Variants in SLC25A13 observed in about 807,000 individuals in gnomAD.
SLC25A13 encodes solute carrier family 25 member 13.
SLC25A13 carries 70 observed loss-of-function variants against 85.5 expected under a neutral mutation model. That is an observed-to-expected ratio of 0.82 (90% CI 0.68 to 1.00). The LOEUF (loss-of-function observed/expected upper bound fraction) is 1.00, where lower values mean the gene tolerates loss of function less well. Ranked by LOEUF, SLC25A13 falls within the 50% of genes least tolerant of loss-of-function variation. SLC25A13 has a pLI of 0.00. For missense variants in SLC25A13, 765 were observed against 819.8 expected (o/e 0.93, Z 0.82); for synonymous variants, 259 against 288.7 (o/e 0.90, Z 1.04).
intron 3 of SLC25A13, among the ~76,000 whole-genome samples, chr7:96,260,573 C>G (rs1298770676): frequency 6.6e-6 from 1 of 152,118 alleles, no homozygotes; most frequent in African/African-American, 2.4e-5. Context: ...ATCTCACAGC[C>G]TGCCTCTCTA....
intron 13 of SLC25A13, among the ~76,000 whole-genome samples, chr7:96,168,096 CTG>C (rs1491228537): frequency 1.1e-4 from 2 of 18,968 alleles, no homozygotes; most frequent in South Asian, 3.1e-3. Flanking sequence ...GAAACTCTGT[CTG>C]AAAAAAAAAA....
chr7:96,314,566 CAG>C (rs1800063887), intron 1 of SLC25A13, among the ~76,000 whole-genome samples: 1 of 152,110 alleles, frequency 6.6e-6, no homozygotes, highest in South Asian at 2.1e-4. Flanking sequence ...GGCAAACCCA[CAG>C]AGTCTTATGA....
intron 5 of SLC25A13, among the ~76,000 whole-genome samples, chr7:96,204,643 A>C (rs746069200): frequency 3.9e-5 from 6 of 152,228 alleles, no homozygotes; most frequent in Admixed American, 1.3e-4. Context: ...GGTTTTTGCT[A>C]CAAAACAACA....
intron 2 of SLC25A13, among the ~76,000 whole-genome samples, chr7:96,281,953 G>A (rs1798696182): frequency 6.6e-6 from 1 of 152,114 alleles, no homozygotes; most frequent in Non-Finnish European, 1.5e-5. Context: ...TGAGGGTAGT[G>A]ATAAATGCAG....
At chr7:96,270,478 C>T (rs1350621827) in intron 3 of SLC25A13, among the ~76,000 whole-genome samples, 1 of 151,684 alleles carries the variant, frequency 6.6e-6, no homozygotes, top group Non-Finnish European at 1.5e-5. Context: ...ATCACTTGAA[C>T]TAGGAGGCAG....
chr7:96,248,005 C>CGATGGAGA (rs1797271293), intron 3 of SLC25A13, among the ~76,000 whole-genome samples: 2 of 151,578 alleles, frequency 1.3e-5, no homozygotes, highest in African/African-American at 4.8e-5. Context: ...AAATACTCTC[C>CGATGGAGA]ATCAGCCTAC....
intron 11 of SLC25A13, among the ~76,000 whole-genome samples, chr7:96,173,602 A>G (rs778211827): frequency 6.6e-6 from 1 of 151,666 alleles, no homozygotes; most frequent in Non-Finnish European, 1.5e-5. Flanking sequence ...TAACAAAGAG[A>G]TAAGCCCTCA....
intron 2 of SLC25A13, among the ~76,000 whole-genome samples, chr7:96,285,707 C>G (rs1047345606): frequency 2.6e-5 from 4 of 152,144 alleles, no homozygotes; most frequent in African/African-American, 4.8e-5. Flanking sequence ...GCATGCCTAT[C>G]CATCTGGTCT....
At chr7:96,221,473 A>G (rs189747983) in intron 4 of SLC25A13, among the ~76,000 whole-genome samples, 19 of 152,306 alleles carry the variant, frequency 1.2e-4, no homozygotes, top group Admixed American at 1.2e-3. Flanking sequence ...AATATTAATG[A>G]AGAACTTTCC....
rs113813533 is a variant in SLC25A13 at position 96,225,066 on chromosome 7, C to G, written c.328+9736G>C. On this transcript the variant is annotated intron_variant, in intron 4 of 17. Coordinates refer to ENST00000265631, the MANE Select transcript of SLC25A13 (RefSeq NM_014251.3). ...AATAAATTATACCAAAAATACTTAG[C>G]CCAGAGGTTGGCATGTATTTTAAAA... 9.5e-3 allele frequency among the ~76,000 whole-genome samples: 1,447 copies of G among 152,282 alleles called. 9 individuals are homozygous for G. The highest frequency in any genetic ancestry group is 0.017 in the South Asian group (80 of 4,824).
intron 4 of SLC25A13, among the ~76,000 whole-genome samples, chr7:96,209,294 A>G (rs1174663768): frequency 6.6e-6 from 1 of 151,046 alleles, no homozygotes; most frequent in African/African-American, 2.4e-5. Flanking sequence ...GTTTCAAGAA[A>G]TAATGATTAT....
At chr7:96,225,713 A>G (rs1012982818) in intron 4 of SLC25A13, among the ~76,000 whole-genome samples, 11 of 152,128 alleles carry the variant, frequency 7.2e-5, no homozygotes, top group Non-Finnish European at 1.6e-4. Flanking sequence ...TACAAAGCCC[A>G]TATCATGCCA....
In SLC25A13 at chr7:96,189,630, T is replaced by C. The variant is rs1257616897; in HGVS notation, c.799A>G (p.Met267Val). 2 of 1,612,542 alleles carry C rather than the reference T, an allele frequency of 1.2e-6. No individual in the cohort carries two copies. The highest frequency in any genetic ancestry group is 2.7e-5 in the African/African-American group (2 of 74,510). Residue 267 changes from methionine (M) to valine (V), a missense_variant, in exon 8 of 18, where the codon ATG becomes GTG. Physicochemically the swap from Met to Val is conservative, Grantham distance 21. Coordinates refer to ENST00000265631, the MANE Select transcript of SLC25A13 (RefSeq NM_014251.3). ...AACTGAAACAAGATGTCAACTTCCA[T>C]GGGTGTAACCTGACCAAATTTCTGA... ...AAQKFGQVTP[M>V]EVDILFQLAD...
chr7:96,126,143 C>A (rs1360054653), intron 15 of SLC25A13, among the ~76,000 whole-genome samples: 2 of 152,106 alleles, frequency 1.3e-5, no homozygotes, highest in Non-Finnish European at 2.9e-5. Flanking sequence ...ATGCTTCACC[C>A]ACAGGTCTCT....
At chr7:96,213,485 A>G (rs537429054) in intron 4 of SLC25A13, among the ~76,000 whole-genome samples, 1 of 152,316 alleles carries the variant, frequency 6.6e-6, no homozygotes, top group East Asian at 1.9e-4. Context: ...TGGCTCCCAC[A>G]TGGGCAATTC....
intron 4 of SLC25A13, among the ~76,000 whole-genome samples, chr7:96,211,267 T>C (rs1365626254): frequency 2.6e-5 from 4 of 152,204 alleles, no homozygotes; most frequent in Admixed American, 6.5e-5. Flanking sequence ...CACCATAGAC[T>C]GTGTGTGTGC....
chr7:96,247,301 A>G (rs904221589), intron 3 of SLC25A13, among the ~76,000 whole-genome samples: 7 of 152,202 alleles, frequency 4.6e-5, no homozygotes, highest in African/African-American at 1.7e-4. Flanking sequence ...CAAGTGTTCC[A>G]TCATTTATCT....
At chr7:96,289,372 C>G (rs993321039) in intron 2 of SLC25A13, among the ~76,000 whole-genome samples, 1 of 152,196 alleles carries the variant, frequency 6.6e-6, no homozygotes, top group Non-Finnish European at 1.5e-5. Flanking sequence ...CAAAGGAACG[C>G]AGCTCCTCAC....
intron 13 of SLC25A13, among the ~76,000 whole-genome samples, chr7:96,152,401 G>A (rs545245381): frequency 4.4e-4 from 67 of 152,284 alleles, no homozygotes; most frequent in Admixed American, 3.0e-3. Context: ...GTTGTTAGCC[G>A]ACTAGGTGAG....
Sources: allele counts gnomAD v4.1 joint callset (sites outside exome capture counted in the v4.1 genomes callset), GRCh38; gene constraint gnomAD v4.1.1; transcripts MANE v1.5; gene names NCBI Gene and HGNC (gene_info 2026-07-23, HGNC 2026-07-21).